The following FRMD6 variants were observed in gnomAD, a reference collection of about 807,000 sequenced individuals.
FRMD6 encodes the protein FERM domain containing 6, also known as FERM domain-containing protein 6.
Under a neutral mutation model 73.2 loss-of-function variants are expected in FRMD6, and 37 were observed. The ratio of observed to expected loss-of-function variants is 0.51; its 90% CI spans 0.39 to 0.66. The LOEUF (loss-of-function observed/expected upper bound fraction) is 0.66. FRMD6 is among the 30% of genes least tolerant of loss of function. The probability of loss-of-function intolerance (pLI) is 0.00; values close to 1 mark genes in which losing one functional copy is unlikely to be tolerated. For missense variants in FRMD6, 714 were observed against 780.5 expected, an observed-to-expected ratio of 0.91 and a Z score of 1.02; for synonymous variants, 273 against 282.2, an observed-to-expected ratio of 0.97 and a Z score of 0.33.
intron 2 of FRMD6, among the ~76,000 whole-genome samples, chr14:51,588,188 C>A (rs537028015): frequency 2.6e-5 from 4 of 151,984 alleles, no homozygotes; most frequent in Admixed American, 6.6e-5. Flanking sequence ...CATTTCCCCC[C>A]CTCCCAAACC....
the FRMD6 span, among the ~76,000 whole-genome samples, chr14:51,419,563 A>G: frequency 6.6e-6 from 1 of 152,296 alleles, no homozygotes; most frequent in Non-Finnish European, 1.5e-5. Flanking sequence ...AATCTTCTTT[A>G]GGAACCAAAT....
At chr14:51,519,214 G>A (rs1330214659) in intron 1 of FRMD6, among the ~76,000 whole-genome samples, 1 of 133,040 alleles carries the variant, frequency 7.5e-6, no homozygotes, top group South Asian at 2.3e-4. Context: ...GCCCAGGCTG[G>A]AGTGCAGTGG....
chr14:51,414,428 T>C, the FRMD6 span, among the ~76,000 whole-genome samples: 6 of 152,222 alleles, frequency 3.9e-5, no homozygotes, highest in African/African-American at 1.4e-4. Flanking sequence ...TCCCATTTCT[T>C]GTGTTTGTCA....
intron 2 of FRMD6, among the ~76,000 whole-genome samples, chr14:51,620,227 T>C (rs2139917682): frequency 6.6e-6 from 1 of 152,260 alleles, no homozygotes; most frequent in Admixed American, 6.5e-5. Context: ...GGTCTGTGAA[T>C]TCTACTTTTA....
chr14:51,408,159 C>CTTT, the FRMD6 span, among the ~76,000 whole-genome samples: 2 of 141,646 alleles, frequency 1.4e-5, no homozygotes, highest in African/African-American at 5.1e-5. Flanking sequence ...CTCAGCTATT[C>CTTT]TTTTTTTTTT....
At chr14:51,459,012 G>C in the FRMD6 span, among the ~76,000 whole-genome samples, 3 of 152,184 alleles carry the variant, frequency 2.0e-5, no homozygotes, top group Admixed American at 1.3e-4. Flanking sequence ...CTCCTCCTTC[G>C]TATCTGTCAG....
At chr14:51,586,474 A>G (rs912705825) in intron 2 of FRMD6, among the ~76,000 whole-genome samples, 1 of 152,138 alleles carries the variant, frequency 6.6e-6, no homozygotes, top group Non-Finnish European at 1.5e-5. Context: ...GATTCTGGGT[A>G]CTAGCCCTTT....
At chr14:51,636,502 C>CT (rs1446602967) in intron 2 of FRMD6, among the ~76,000 whole-genome samples, 6 of 152,166 alleles carry the variant, frequency 3.9e-5, no homozygotes, top group Non-Finnish European at 5.9e-5. Context: ...GAAAGGAGCC[C>CT]TGTGAAATGC....
At chr14:51,687,526 T>C (rs1475027872) in intron 1 of FRMD6, among the ~76,000 whole-genome samples, 1 of 152,104 alleles carries the variant, frequency 6.6e-6, no homozygotes, top group Non-Finnish European at 1.5e-5. Context: ...AAGAATATTG[T>C]TCTATAGGAC....
chr14:51,721,120 A>G (rs143668687), intron 11 of FRMD6, among the ~76,000 whole-genome samples: 37 of 152,328 alleles, frequency 2.4e-4, no homozygotes, highest in African/African-American at 8.7e-4. Flanking sequence ...ATAGGCAGCT[A>G]TGGACATGGG....
chr14:51,635,824 A>G (rs1022162001), intron 2 of FRMD6, among the ~76,000 whole-genome samples: 2 of 152,220 alleles, frequency 1.3e-5, no homozygotes, highest in Non-Finnish European at 2.9e-5. Context: ...TGTAGTAATC[A>G]CTCAGTAAAG....
At chr14:51,458,060 G>A in the FRMD6 span, among the ~76,000 whole-genome samples, 2 of 152,176 alleles carry the variant, frequency 1.3e-5, no homozygotes, top group Admixed American at 1.3e-4. Flanking sequence ...GATAAAGGAG[G>A]TAAAAAGCAG....
chr14:51,420,464 A>G, the FRMD6 span, among the ~76,000 whole-genome samples: 3 of 152,206 alleles, frequency 2.0e-5, no homozygotes, highest in Admixed American at 6.5e-5. Context: ...GTTAGACAAA[A>G]TGCTTATTGG....
At chr14:51,427,830 A>C in the FRMD6 span, among the ~76,000 whole-genome samples, 1 of 152,210 alleles carries the variant, frequency 6.6e-6, no homozygotes, top group African/African-American at 2.4e-5. Flanking sequence ...GAGTATCTAC[A>C]CCACAGAAAT....
intron 1 of FRMD6, among the ~76,000 whole-genome samples, chr14:51,506,373 C>G (rs891006604): frequency 1.3e-5 from 2 of 152,106 alleles, no homozygotes; most frequent in Admixed American, 1.3e-4. Flanking sequence ...AGGAAGTGCT[C>G]AATTAATGTT....
the FRMD6 span, among the ~76,000 whole-genome samples, chr14:51,412,602 A>G: frequency 2.0e-5 from 3 of 152,152 alleles, no homozygotes; most frequent in Non-Finnish European, 4.4e-5. Flanking sequence ...CTGTAATCCC[A>G]GCACTTTGGG....
intron 1 of FRMD6, among the ~76,000 whole-genome samples, chr14:51,500,555 A>G (rs540079353): frequency 8.9e-4 from 135 of 151,890 alleles, no homozygotes; most frequent in African/African-American, 3.2e-3. Flanking sequence ...AAAAAAAGAT[A>G]GAAAAAGATA....
At chr14:51,428,025 G>A in the FRMD6 span, among the ~76,000 whole-genome samples, 1 of 152,210 alleles carries the variant, frequency 6.6e-6, no homozygotes, top group African/African-American at 2.4e-5. Context: ...GTTTTGGGAG[G>A]TGGAGGCTTG....
chr14:51,684,049 T>C (rs963919688), intron 1 of FRMD6, among the ~76,000 whole-genome samples: 1 of 152,074 alleles, frequency 6.6e-6, no homozygotes, highest in African/African-American at 2.4e-5. Flanking sequence ...AAATGGTAAC[T>C]GTAAAACAGG....
Sources: gnomAD v4.1 joint callset for allele counts (sites outside exome capture counted in the v4.1 genomes callset) on GRCh38, gnomAD v4.1.1 for gene constraint, MANE v1.5 for transcripts, NCBI Gene and HGNC (gene_info 2026-07-23, HGNC 2026-07-21) for gene names.